The following UNC13A variants were observed in gnomAD, a reference collection of about 807,000 sequenced individuals.
The protein encoded by UNC13A is protein unc-13 homolog A.
UNC13A carries 61 observed loss-of-function variants against 219.7 expected under a neutral mutation model. That is an observed-to-expected ratio of 0.28 (90% confidence interval 0.23 to 0.34). The LOEUF is 0.34. UNC13A is among the 10% of genes least tolerant of loss of function. The pLI is 1.00. For missense variants in UNC13A, 1,476 were observed against 2,270.3 expected, an observed-to-expected ratio of 0.65 and a Z score of 7.11; for synonymous variants, 920 against 884.6, an observed-to-expected ratio of 1.04 and a Z score of -0.71.
Position 17,639,857 on chromosome 19 carries a change from C to A in UNC13A, c.2839G>T (p.Asp947Tyr). 6.2e-7 allele frequency: 1 copy of A among 1,613,728 alleles called. No individual in the cohort carries two copies. Among genetic ancestry groups the A allele is most frequent in the South Asian group, 1.1e-5 (1 of 91,050 alleles). ...CTTCCTACCCGGTACATGGAGAGGT[C>A]AATCCGCAGGGAGTTATGCAGCTGG... is the stretch of plus-strand genomic sequence containing the variant. The part of the protein sequence containing the change: ...LDQLHNSLRI[D>Y]LSMYRNNFPA... The change falls in exon 23 of 44, where the codon GAC becomes TAC. Residue 947 changes from aspartate to tyrosine, a missense_variant. This residue lies in a region of UNC13A where 140 missense variants were observed against 270.9 expected (regional missense o/e 0.52). Coordinates refer to ENST00000519716, the MANE Select transcript of UNC13A (RefSeq NM_001080421.3).
chr19:17,645,606 TG>T (rs2077017934), intron 19 of UNC13A, 67 bp downstream of exon 19: 1 of 1,591,494 alleles, frequency 6.3e-7, no homozygotes, highest in African/African-American at 1.3e-5. Context: ...CTGCTCTTCG[TG>T]GGCTCCATGC....
chr19:17,635,527 C>T (rs976284069), intron 26 of UNC13A, among the ~76,000 whole-genome samples: 1 of 152,106 alleles, frequency 6.6e-6, no homozygotes, highest in Non-Finnish European at 1.5e-5. Flanking sequence ...ATACACAATA[C>T]ACAATATTGT....
At position 17,641,444 on chromosome 19, in the gene UNC13A, A is replaced by G. The variant is rs752581143; in HGVS notation, c.2585T>C (p.Val862Ala). ...GCCGTAGCGCATGGCAAACTCGTCC[A>G]CAATCTCCTGGGCTGTCTCATCGTA... ...VYYDETAQEI[V>A]DEFAMRYGVE... The change falls in exon 21 of 44, where the codon GTG becomes GCG. Residue 862 changes from valine (V) to alanine (A), a missense_variant. Around this residue, in one of 14 missense-constraint regions of UNC13A, gnomAD observed 140 missense variants for 270.9 expected, o/e 0.52. Transcript: ENST00000519716. 2 of 1,614,114 alleles carry G rather than the reference A, an allele frequency of 1.2e-6. No individual in the cohort carries two copies. The highest frequency in any genetic ancestry group is 2.2e-5 in the East Asian group (1 of 44,878).
intron 11 of UNC13A, among the ~76,000 whole-genome samples, chr19:17,653,344 A>ATATT (rs1555782140): frequency 2.0e-5 from 3 of 150,412 alleles, no homozygotes; most frequent in East Asian, 1.9e-4. Context: ...ATATATATAT[A>ATATT]TTTTGTTTGT....
chr19:17,626,910 C>G lies in UNC13A; in HGVS notation c.3921-125G>C, dbSNP rs1599346481. ...CACATAACCGAGCAAGAATGGAGAACAGGCCAGATGCGGTGGCTCACGCCT... is the reference window on the plus strand; with the variant it reads ...CACATAACCGAGCAAGAATGGAGAAGAGGCCAGATGCGGTGGCTCACGCCT... On this transcript the variant is annotated intron_variant, in intron 33 of 43. Transcript: ENST00000519716. 5.1e-6 allele frequency: 7 copies of G among 1,372,320 alleles called. No homozygotes were observed. In the Admixed American group the frequency reaches 1.7e-4, roughly 33 times the overall value. 85.0% of individuals were successfully genotyped at this position (1,372,320 alleles called of 1,614,324 possible).
chr19:17,682,306 C>G (rs973961421), intron 1 of UNC13A, among the ~76,000 whole-genome samples: 5 of 152,140 alleles, frequency 3.3e-5, no homozygotes, highest in Admixed American at 1.3e-4. Context: ...TTCCCGTAGG[C>G]CAGGAGTCAT....
At chr19:17,643,039 C>G in intron 19 of UNC13A, 79 bp from the exon 20 acceptor site, 1 of 1,146,550 alleles carries the variant, frequency 8.7e-7, no homozygotes, top group Non-Finnish European at 1.3e-6. Flanking sequence ...AAGAGGGAGT[C>G]TTGCTCTTGT....
At chr19:17,611,666 T>G (rs2076604958) in intron 42 of UNC13A, 97 bp downstream of exon 42, 1 of 1,154,132 alleles carries the variant, frequency 8.7e-7, no homozygotes, top group Non-Finnish European at 1.3e-6. Flanking sequence ...CATGGACCAT[T>G]AAACAACAAC....
chr19:17,620,589 G>A, intron 38 of UNC13A, 104 bp downstream of exon 38: 2 of 986,206 alleles, frequency 2.0e-6, no homozygotes, highest in Non-Finnish European at 2.9e-6. Context: ...CAGGTTCACA[G>A]TACGCCCTCG....
At chr19:17,618,220 T>C (rs1320087098) in intron 40 of UNC13A, among the ~76,000 whole-genome samples, 4 of 152,264 alleles carry the variant, frequency 2.6e-5, no homozygotes, top group Non-Finnish European at 5.9e-5. Context: ...TGAGAATGTC[T>C]GTATCCAGCA....
At chr19:17,612,664 G>A (rs908104514) in intron 41 of UNC13A, among the ~76,000 whole-genome samples, 2 of 151,982 alleles carry the variant, frequency 1.3e-5, no homozygotes, top group African/African-American at 4.8e-5. Context: ...GGGCAACATG[G>A]CAAAACCCCA....
Position 17,666,692 on chromosome 19 carries a change from C to A in UNC13A, c.481G>T (p.Asp161Tyr). 6.5e-7 allele frequency: 1 copy of A among 1,528,348 alleles called. No individual in the cohort carries two copies. The allele number at this position is 1,528,348 out of a possible 1,614,324, so 94.7% of individuals were successfully genotyped here. The change falls in exon 7 of 44, where the codon GAT becomes TAT. Residue 161 changes from aspartate (D) to tyrosine (Y), a missense_variant. Transcript: ENST00000519716. ...MRDQDEYSFQ[D>Y]EQDKPLPVPS... The stretch of plus-strand genomic sequence containing the variant: ...ACAGGCAGAGGCTTGTCTTGCTCAT[C>A]TTGGAACGAATACTGAAGGGGTGGA...
rs549387725 is a variant in UNC13A at position 17,688,134 on chromosome 19, C to G, written c.22+44G>C. 2.0e-6 allele frequency: 3 copies of G among 1,520,802 alleles called. No homozygotes were observed. In the African/African-American group the frequency reaches 4.3e-5, roughly 22 times the overall value. The allele number at this position is 1,520,802 out of a possible 1,614,324, so 94.2% of individuals were successfully genotyped here. On this transcript the variant is annotated intron_variant, in intron 1 of 43. Coordinates refer to ENST00000519716, the MANE Select transcript of UNC13A (RefSeq NM_001080421.3). ...GCATCCACGCGGACCCCGACCCCAG[C>G]CCGCGTCCACACGGGTCCCCCGACC...
Position 17,653,034 on chromosome 19 carries a change from C to T in UNC13A, c.1393-357G>A, listed in dbSNP as rs114992523. 7.9e-3 allele frequency among the ~76,000 whole-genome samples: 1,205 copies of T among 152,200 alleles called. 26 individuals are homozygous for T. The highest frequency in any genetic ancestry group is 0.028 in the African/African-American group (1,159 of 41,500). ...ACCTCTTCCCACCTTCTGCAGCCAA[C>T]CAGCCTCTATTTATCATTCGGGTCT... On this transcript the variant is annotated intron_variant, in intron 11 of 43. Coordinates refer to ENST00000519716, the MANE Select transcript of UNC13A (RefSeq NM_001080421.3).
At chr19:17,648,750 C>T in intron 15 of UNC13A, 100 bp from the exon 16 acceptor site, 1 of 1,515,526 alleles carries the variant, frequency 6.6e-7, no homozygotes, top group Non-Finnish European at 9.0e-7. Context: ...AAGTCCCAGG[C>T]CCTCCCCTGC....
chr19:17,617,628 T>C (rs1354020489), intron 41 of UNC13A, 74 bp downstream of exon 41: 1 of 1,579,920 alleles, frequency 6.3e-7, no homozygotes. Flanking sequence ...AGTGAGCCAA[T>C]GGCAGCCGTT....
At chr19:17,641,835 A>T (rs981832440) in intron 20 of UNC13A, among the ~76,000 whole-genome samples, 11 of 151,150 alleles carry the variant, frequency 7.3e-5, no homozygotes, top group African/African-American at 2.7e-4. Flanking sequence ...CCAATCATTC[A>T]TTCTTTCATA....
In UNC13A at chr19:17,606,176, T is replaced by A. The variant is rs762028574; in HGVS notation, c.4990A>T (p.Thr1664Ser). Residue 1664 changes from threonine (T) to serine (S), a missense_variant, in exon 44 of 44, where the codon ACG becomes TCG. This residue lies in a region of UNC13A where 187 missense variants were observed against 172.3 expected (regional missense o/e 1.09). Coordinates refer to ENST00000519716, the MANE Select transcript of UNC13A (RefSeq NM_001080421.3). ...AGGATTCGCAGCACCGTGAGGCCCG[T>A]GTCGTCCATGTGGATGCGGCGGCCG... is the stretch of plus-strand genomic sequence containing the variant. ...PLGRRIHMDDTGLTVLRILSQ... is the reference protein window; with the variant it reads ...PLGRRIHMDDSGLTVLRILSQ... 68 of 1,569,238 alleles carry A rather than the reference T, an allele frequency of 4.3e-5. No individual in the cohort carries two copies. The highest frequency in any genetic ancestry group is 5.8e-5 in the Non-Finnish European group (67 of 1,159,108).
chr19:17,676,521 G>A (rs8101758), intron 1 of UNC13A, among the ~76,000 whole-genome samples: 7,109 of 152,186 alleles, frequency 0.047, 319 homozygotes, highest in African/African-American at 0.12. Flanking sequence ...AGAAGAAGAG[G>A]GGAAGTTGAG....
Sources: gnomAD v4.1 joint callset for allele counts (sites outside exome capture counted in the v4.1 genomes callset) on GRCh38, gnomAD v4.1.1 for gene constraint, gnomAD v4.1.1 regional missense constraint, MANE v1.5 for transcripts, NCBI Gene and HGNC (gene_info 2026-07-23, HGNC 2026-07-21) for gene names.